Variants in NMT2 observed in about 807,000 individuals in gnomAD.
The protein encoded by NMT2 is N-myristoyltransferase 2.
In NMT2, 35 loss-of-function variants were observed where a neutral mutation model predicts 65.4. The observed-to-expected ratio is 0.54, with a 90% CI of 0.41 to 0.71. The LOEUF (loss-of-function observed/expected upper bound fraction) is 0.71. Ranked by LOEUF, NMT2 falls within the 30% of genes least tolerant of loss-of-function variation. NMT2 has a pLI of 0.00. For synonymous variants in NMT2, 226 were observed against 231.8 expected (o/e 0.98, Z 0.23); for missense variants, 489 against 611.3 (o/e 0.80, Z 2.11).
At chr10:15,155,341 T>C (rs1190020737) in intron 1 of NMT2, 4 of 986,852 alleles carry the variant, frequency 4.1e-6, no homozygotes, top group Non-Finnish European at 6.4e-6. Context: ...ACAGGGCTCC[T>C]GGTGGCGGTG....
rs1846457919 is a variant in NMT2 at position 15,135,691 on chromosome 10, CAA to C, written c.247-275_247-274del. Reference sequence around the variant, plus strand: ...TTTGCTTCAGTTTCCCATCCATCTACAAATGGTCCCCGGCATTACTCCTCTGG... The same window carrying C: ...TTTGCTTCAGTTTCCCATCCATCTACATGGTCCCCGGCATTACTCCTCTGG... On this transcript the variant is annotated intron_variant, in intron 2 of 11. Transcript: ENST00000378165. Among the ~76,000 whole-genome samples, 3 of 152,268 alleles carry C rather than the reference CAA, an allele frequency of 2.0e-5. No homozygotes were observed. The South Asian group carries it at 6.2e-4, about 32-fold the overall frequency.
chr10:15,107,077 C>G lies in NMT2; in HGVS notation c.*2118G>C, dbSNP rs1046431906. On this transcript the variant is annotated 3_prime_UTR_variant, in exon 12 of 12. Transcript: ENST00000378165. ...GAGCTGTTGACTGTGCCACTGTATT[C>G]TAGCCTGGACAATAGAGTGAGACCC... 2.1e-5 allele frequency among the ~76,000 whole-genome samples: 3 copies of G among 144,554 alleles called. No homozygotes were observed. Among genetic ancestry groups the G allele is most frequent in the African/African-American group, 5.2e-5 (2 of 38,630 alleles). 94.8% of individuals were successfully genotyped at this position (144,554 alleles called of 152,430 possible).
intron 7 of NMT2, among the ~76,000 whole-genome samples, chr10:15,128,842 T>G (rs1846182752): frequency 6.6e-6 from 1 of 152,036 alleles, no homozygotes; most frequent in Non-Finnish European, 1.5e-5. Flanking sequence ...CCATCTCTAC[T>G]AAAAATACAA....
At chr10:15,168,269 TC>T in intron 1 of NMT2, 1 of 415,248 alleles carries the variant, frequency 2.4e-6, no homozygotes, top group Non-Finnish European at 4.2e-6. Flanking sequence ...CAGTAGCGTC[TC>T]CCCGCCCGGG....
rs1303330501 is a variant in NMT2, at chr10:15,108,111, TC to T, written c.*1083del. 1.0e-6 allele frequency: 1 copy of T among 985,284 alleles called. No individual in the cohort carries two copies. Among genetic ancestry groups the T allele is most frequent in the African/African-American group, 1.7e-5 (1 of 57,194 alleles). The allele number at this position is 985,284 out of a possible 1,614,324, so 61.0% of individuals were successfully genotyped here. A position where few individuals can be genotyped will look rare whatever the true frequency, so the allele number is the denominator to read the frequency against. ...TTTTTTATTTCCTTTTCTTCATATA[TC>T]CTTGATGTTGCTGAGAAGAAACTGA... On this transcript the variant is annotated 3_prime_UTR_variant, in exon 12 of 12. Transcript: ENST00000378165.
At chr10:15,145,527 G>A (rs1390948198) in intron 1 of NMT2, among the ~76,000 whole-genome samples, 2 of 152,038 alleles carry the variant, frequency 1.3e-5, no homozygotes, top group African/African-American at 2.4e-5. Context: ...TTACAGGCAC[G>A]TGCCACCACG....
At chr10:15,148,302 G>A (rs1022696091) in intron 1 of NMT2, among the ~76,000 whole-genome samples, 2 of 152,190 alleles carry the variant, frequency 1.3e-5, no homozygotes, top group Non-Finnish European at 2.9e-5. Context: ...TTGAGTCCAG[G>A]AGTTCGAGAC....
At chr10:15,166,041 G>C (rs1332149142) in intron 1 of NMT2, among the ~76,000 whole-genome samples, 2 of 152,004 alleles carry the variant, frequency 1.3e-5, no homozygotes, top group African/African-American at 2.4e-5. Flanking sequence ...ACCCTTTTTA[G>C]TCCATGAAGA....
intron 2 of NMT2, chr10:15,141,207 T>C (rs1162839151): frequency 1.3e-6 from 1 of 773,946 alleles, no homozygotes; most frequent in East Asian, 2.7e-5. Context: ...ACACAGCAGG[T>C]ATCCACACAC....
chr10:15,143,946 A>T (rs1459599823), intron 1 of NMT2, among the ~76,000 whole-genome samples: 2 of 152,234 alleles, frequency 1.3e-5, no homozygotes, highest in Non-Finnish European at 2.9e-5. Flanking sequence ...GAGACATTTT[A>T]AAAAATTAAA....
chr10:15,142,441 A>G (rs1470621144), intron 1 of NMT2, among the ~76,000 whole-genome samples: 1 of 152,170 alleles, frequency 6.6e-6, no homozygotes, highest in East Asian at 1.9e-4. Flanking sequence ...ACGCACTTGT[A>G]GTCCCAGCTA....
intron 8 of NMT2, among the ~76,000 whole-genome samples, chr10:15,125,828 A>G (rs770860768): frequency 1.4e-4 from 21 of 152,116 alleles, no homozygotes; most frequent in South Asian, 2.1e-4. Flanking sequence ...CACCATCCAC[A>G]GCTAATTTTT....
At chr10:15,114,052 T>C (rs1845663068) in intron 9 of NMT2, among the ~76,000 whole-genome samples, 1 of 152,204 alleles carries the variant, frequency 6.6e-6, no homozygotes, top group Non-Finnish European at 1.5e-5. Flanking sequence ...TGCTTTGGTT[T>C]TCAAAGGCTT....
At chr10:15,120,928 C>T (rs74125512) in intron 8 of NMT2, among the ~76,000 whole-genome samples, 5,504 of 152,176 alleles carry the variant, frequency 0.036, 181 homozygotes, top group African/African-American at 0.08. Flanking sequence ...TACTCCAGAG[C>T]TTTAGAATTT....
chr10:15,154,927 C>A (rs746991342), intron 1 of NMT2: 6 of 995,278 alleles, frequency 6.0e-6, no homozygotes, highest in Admixed American at 1.7e-5. Flanking sequence ...TGCTTGCCAT[C>A]CAACCACTCG....
chr10:15,158,090 C>T (rs561194058), intron 1 of NMT2, among the ~76,000 whole-genome samples: 1 of 152,142 alleles, frequency 6.6e-6, no homozygotes, highest in Non-Finnish European at 1.5e-5. Context: ...CAAAGGAGGG[C>T]GGATCACTTG....
At chr10:15,128,316 C>T (rs766692464) in intron 8 of NMT2, 34 bp downstream of exon 8, 5 of 1,220,542 alleles carry the variant, frequency 4.1e-6, no homozygotes, top group Admixed American at 3.4e-5. Flanking sequence ...TCAGTTGTTA[C>T]AGCTTCAAAA....
At position 15,108,503 on chromosome 10, in the gene NMT2, C is replaced by T; in HGVS notation, c.*692G>A. 1 of 985,680 alleles carries T rather than the reference C, an allele frequency of 1.0e-6. No homozygotes were observed. Among genetic ancestry groups the T allele is most frequent in the Non-Finnish European group, 1.2e-6 (1 of 830,152 alleles). The allele number at this position is 985,680 out of a possible 1,614,324, so 61.1% of individuals were successfully genotyped here. On this transcript the variant is annotated 3_prime_UTR_variant, in exon 12 of 12. Coordinates refer to ENST00000378165, the MANE Select transcript of NMT2 (RefSeq NM_004808.3). The stretch of plus-strand genomic sequence containing the variant: ...CCCGGCCTCAGGCTCTTTCAGAGAG[C>T]ACAGTGAGTGCTTGCACAAAACTCT...
At chr10:15,120,113 A>C (rs1461541067) in intron 8 of NMT2, among the ~76,000 whole-genome samples, 2 of 152,260 alleles carry the variant, frequency 1.3e-5, no homozygotes, top group Non-Finnish European at 1.5e-5. Flanking sequence ...ACAACTACTT[A>C]CATAGCATTT....
Sources: gnomAD v4.1 joint callset for allele counts (sites outside exome capture counted in the v4.1 genomes callset) on GRCh38, gnomAD v4.1.1 for gene constraint, MANE v1.5 for transcripts, NCBI Gene and HGNC (gene_info 2026-07-23, HGNC 2026-07-21) for gene names.